Variants in NEMP2 observed in about 807,000 individuals in gnomAD.
NEMP2 encodes UPF0571 transmembrane protein.
NEMP2 carries 53 observed loss-of-function variants against 54.2 expected under a neutral mutation model. The ratio of observed to expected loss-of-function variants is 0.98; its 90% CI spans 0.78 to 1.23. The LOEUF (loss-of-function observed/expected upper bound fraction) is 1.23. Ranked by LOEUF, NEMP2 falls within the 50% of genes most tolerant of loss-of-function variation. The probability of loss-of-function intolerance (pLI) is 0.00; values close to 1 mark genes in which losing one functional copy is unlikely to be tolerated. For synonymous variants in NEMP2, 197 were observed against 190.3 expected (o/e 1.04, Z -0.29); for missense variants, 455 against 511.3 (o/e 0.89, Z 1.06).
At chr2:190,500,144 G>A (rs749919012), downstream of NEMP2, 19 of 1,613,792 alleles carry the variant, frequency 1.2e-5, no homozygotes, top group African/African-American at 5.3e-5. This position sits in a 1 kb window ranked among gnomAD's most constrained non-coding sequence, Gnocchi z 5.3. Context: ...GACCAGCCCC[G>A]CTCACCCCAG....
At chr2:190,431,352 G>C in the NEMP2 span, among the ~76,000 whole-genome samples, 7 of 152,334 alleles carry the variant, frequency 4.6e-5, no homozygotes, top group East Asian at 1.2e-3. The surrounding 1 kb of genome is among the most constrained non-coding windows in gnomAD (Gnocchi z 4.4). Context: ...GCCAAGGCAG[G>C]CAGCTGGGAG....
At chr2:190,433,225 T>G in the NEMP2 span, 1 of 152,274 alleles carries the variant, frequency 6.6e-6, no homozygotes, top group South Asian at 2.1e-4. This position sits in a 1 kb window ranked among gnomAD's most constrained non-coding sequence, Gnocchi z 4.5. Context: ...ATCACATAAT[T>G]TTATACATTT....
At chr2:190,466,735 T>C in the NEMP2 span, among the ~76,000 whole-genome samples, 1 of 152,194 alleles carries the variant, frequency 6.6e-6, no homozygotes, top group Admixed American at 6.5e-5. Context: ...ATACTTCTTA[T>C]TTTGTGTTTT....
chr2:190,620,669 A>G, the NEMP2 span, among the ~76,000 whole-genome samples: 1 of 152,224 alleles, frequency 6.6e-6, no homozygotes, highest in Non-Finnish European at 1.5e-5. This position sits in a 1 kb window ranked among gnomAD's most constrained non-coding sequence, Gnocchi z 4.9. Context: ...ATCATACACA[A>G]TAGTGAAAGA....
At chr2:190,484,649 C>A in the NEMP2 span, among the ~76,000 whole-genome samples, 1 of 152,160 alleles carries the variant, frequency 6.6e-6, no homozygotes, top group African/African-American at 2.4e-5. Context: ...TAGAAAGTTG[C>A]ATGTTCCAGT....
the NEMP2 span, among the ~76,000 whole-genome samples, chr2:190,491,940 A>G: frequency 3.7e-3 from 568 of 152,322 alleles, 5 homozygotes; most frequent in African/African-American, 0.013. The surrounding 1 kb of genome is among the most constrained non-coding windows in gnomAD (Gnocchi z 4.2). Context: ...GAAATCTTCA[A>G]TGAGATAGAT....
the NEMP2 span, among the ~76,000 whole-genome samples, chr2:190,623,514 C>T: frequency 5.1e-4 from 78 of 152,286 alleles, no homozygotes; most frequent in Admixed American, 1.1e-3. Context: ...TAAATCCATG[C>T]ATTTACAGCT....
the NEMP2 span, among the ~76,000 whole-genome samples, chr2:190,627,195 G>A: frequency 6.6e-6 from 1 of 152,322 alleles, no homozygotes; most frequent in Admixed American, 6.5e-5. The surrounding 1 kb of genome is among the most constrained non-coding windows in gnomAD (Gnocchi z 4.4). Context: ...TTAGCACTGT[G>A]CCTGGCACAT....
At chr2:190,598,219 A>G in the NEMP2 span, among the ~76,000 whole-genome samples, 1 of 152,214 alleles carries the variant, frequency 6.6e-6, no homozygotes, top group Admixed American at 6.5e-5. Context: ...CCCCTGGTTG[A>G]AAACCACTGT....
the NEMP2 span, among the ~76,000 whole-genome samples, chr2:190,474,459 A>G: frequency 6.6e-6 from 1 of 152,242 alleles, no homozygotes; most frequent in Non-Finnish European, 1.5e-5. Context: ...TAAACTAGAA[A>G]ATCTAGAAGA....
chr2:190,437,456 A>G, the NEMP2 span: 21 of 1,614,116 alleles, frequency 1.3e-5, no homozygotes, highest in South Asian at 2.0e-4. The surrounding 1 kb of genome is among the most constrained non-coding windows in gnomAD (Gnocchi z 5.9). Context: ...GAAGACCTCA[A>G]TGGAACTACA....
Position 190,534,621 on chromosome 2 carries a change from A to G in NEMP2, c.35T>C (p.Leu12Pro). The G allele has an allele frequency of 7.3e-7, 1 of 1,371,622 alleles. No individual in the cohort carries two copies. The highest frequency in any genetic ancestry group is 9.4e-7 in the Non-Finnish European group (1 of 1,065,820). The allele number at this position is 1,371,622 out of a possible 1,614,324, so 85.0% of individuals were successfully genotyped here. Residue 12 changes from leucine to proline, a missense_variant, in exon 1 of 9, where the codon CTC becomes CCC. Physicochemically the swap from Leu to Pro is moderately conservative, Grantham distance 98 (BLOSUM62 -3). Around this residue, in one of 3 missense-constraint regions of NEMP2, gnomAD observed 100 missense variants for 80.2 expected, o/e 1.25. Coordinates refer to ENST00000409150, the MANE Select transcript of NEMP2 (RefSeq NM_001142645.2). ...GPRQGRWWLLLWLPPLATLPV... is the reference protein window; with the variant it reads ...GPRQGRWWLLPWLPPLATLPV... ...CAGTGTGGCCAGGGGCGGCAGCCAG[A>G]GCAGCAGCCACCACCGCCCTTGGCG... is the stretch of plus-strand genomic sequence containing the variant.
intron 5 of NEMP2, 47 bp downstream of exon 5, chr2:190,517,473 A>G: frequency 7.6e-7 from 1 of 1,310,830 alleles, no homozygotes; most frequent in Admixed American, 2.3e-5. Flanking sequence ...TCATGTCTGT[A>G]AGATCATGAT....
In NEMP2 at chr2:190,510,747, G is replaced by C. The variant is rs1690333120; in HGVS notation, c.954-210C>G. Among the ~76,000 whole-genome samples the C allele has an allele frequency of 6.6e-6, 1 of 152,058 alleles. No individual in the cohort carries two copies. Among genetic ancestry groups the C allele is most frequent in the African/African-American group, 2.4e-5 (1 of 41,386 alleles). On this transcript the variant is annotated intron_variant, in intron 7 of 8. Coordinates refer to ENST00000409150, the MANE Select transcript of NEMP2 (RefSeq NM_001142645.2). The surrounding 1 kb of genome is among the most constrained non-coding windows in gnomAD (Gnocchi z 5.7). ...ATATAAAAAATTAGCTGAGCATGGT[G>C]GTGGTCGCCTGTAGTCCCAGCTACT...
chr2:190,646,814 C>T, the NEMP2 span: 4 of 152,236 alleles, frequency 2.6e-5, no homozygotes, highest in African/African-American at 7.2e-5. Context: ...AATGTTGTTT[C>T]TTCCAACTCT....
At chr2:190,431,131 C>T in the NEMP2 span, among the ~76,000 whole-genome samples, 6 of 150,276 alleles carry the variant, frequency 4.0e-5, no homozygotes. This position sits in a 1 kb window ranked among gnomAD's most constrained non-coding sequence, Gnocchi z 4.4. Flanking sequence ...AGGCGCTCCC[C>T]ACATCTCAGA....
chr2:190,572,565 A>G, the NEMP2 span, among the ~76,000 whole-genome samples: 5 of 152,084 alleles, frequency 3.3e-5, no homozygotes, highest in African/African-American at 4.8e-5. Context: ...GGGAGAGCAA[A>G]TATGGAGCAT....
chr2:190,476,795 G>A, the NEMP2 span, among the ~76,000 whole-genome samples: 2 of 152,032 alleles, frequency 1.3e-5, no homozygotes, highest in Admixed American at 1.3e-4. Context: ...CAAAGACTTG[G>A]AACCAACCCA....
chr2:190,426,550 GA>G, the NEMP2 span, among the ~76,000 whole-genome samples: 1 of 152,146 alleles, frequency 6.6e-6, no homozygotes, highest in South Asian at 2.1e-4. This position sits in a 1 kb window ranked among gnomAD's most constrained non-coding sequence, Gnocchi z 4.7. Flanking sequence ...TAGTTGTGGG[GA>G]TTGGGCTTCT....
Sources: gnomAD v4.1 joint callset for allele counts (sites outside exome capture counted in the v4.1 genomes callset) on GRCh38, gnomAD v4.1.1 for gene constraint, gnomAD v4.1.1 regional missense constraint, Gnocchi (gnomAD v3.1) non-coding constraint, MANE v1.5 for transcripts, NCBI Gene and HGNC (gene_info 2026-07-23, HGNC 2026-07-21) for gene names.